The following TGFB2 variants were observed in gnomAD, a reference collection of about 807,000 sequenced individuals.
TGFB2 encodes the protein transforming growth factor beta 2.
Under a neutral mutation model 42.7 loss-of-function variants are expected in TGFB2, and 13 were observed. The observed-to-expected ratio is 0.30, with a 90% CI of 0.20 to 0.48. TGFB2 has a LOEUF of 0.48. Ranked by LOEUF, TGFB2 falls within the 20% of genes least tolerant of loss-of-function variation. The probability of loss-of-function intolerance (pLI) is 0.99; values close to 1 mark genes in which losing one functional copy is unlikely to be tolerated. For synonymous variants in TGFB2, 193 were observed against 193.6 expected, an observed-to-expected ratio of 1.00 and a Z score of 0.03; for missense variants, 390 against 517.5, an observed-to-expected ratio of 0.75 and a Z score of 2.39.
At chr1:218,385,797 G>C (rs1658115025) in intron 1 of TGFB2, among the ~76,000 whole-genome samples, 1 of 152,210 alleles carries the variant, frequency 6.6e-6, no homozygotes, top group African/African-American at 2.4e-5. Flanking sequence ...GAATTAAGCT[G>C]TTAGAACTAG....
chr1:218,431,819 G>C (rs1659816563), intron 2 of TGFB2, among the ~76,000 whole-genome samples: 1 of 152,184 alleles, frequency 6.6e-6, no homozygotes, highest in Non-Finnish European at 1.5e-5. Context: ...CTGTTCCATA[G>C]TAGGTTAATT....
chr1:218,440,647 A>T (rs1454310344), intron 6 of TGFB2, among the ~76,000 whole-genome samples: 1 of 152,214 alleles, frequency 6.6e-6, no homozygotes, highest in Non-Finnish European at 1.5e-5. Flanking sequence ...TTATTCTTCT[A>T]CTTATTCATG....
chr1:218,397,421 G>C (rs7536358), intron 1 of TGFB2, among the ~76,000 whole-genome samples: 2,071 of 151,720 alleles, frequency 0.014, 46 homozygotes, highest in African/African-American at 0.045. Flanking sequence ...AAAATTAGCC[G>C]GGCATGGTGG....
rs899680283 is a variant in TGFB2 at position 218,346,093 on chromosome 1, C to G, written c.-609C>G. On this transcript the variant is annotated 5_prime_UTR_variant, in exon 1 of 7. Coordinates refer to ENST00000366930, the MANE Select transcript of TGFB2 (RefSeq NM_003238.6). This position sits in a 1 kb window ranked among gnomAD's most constrained non-coding sequence, Gnocchi z 4.9. ...ACACACACACACACGCACGCACACACGTGTGCGCTTCTCTGCTCCGGAGCT... is the reference window on the plus strand; with the variant it reads ...ACACACACACACACGCACGCACACAGGTGTGCGCTTCTCTGCTCCGGAGCT... 6.5e-6 allele frequency: 1 copy of G among 154,854 alleles called. No individual in the cohort carries two copies. 9.6% of individuals were successfully genotyped at this position (154,854 alleles called of 1,614,324 possible).
chr1:218,358,805 G>A (rs1657120755), intron 1 of TGFB2, among the ~76,000 whole-genome samples: 1 of 152,100 alleles, frequency 6.6e-6, no homozygotes, highest in Non-Finnish European at 1.5e-5. Context: ...GCCTCCCAAA[G>A]TGCTGGGATT....
intron 1 of TGFB2, among the ~76,000 whole-genome samples, chr1:218,379,191 GGT>G (rs1657867632): frequency 6.7e-6 from 1 of 149,482 alleles, no homozygotes; most frequent in Non-Finnish European, 1.5e-5. Flanking sequence ...GGAGTGCAGT[GGT>G]GCGATCTCGG....
At chr1:218,419,325 T>C (rs1044269627) in intron 2 of TGFB2, among the ~76,000 whole-genome samples, 1 of 152,166 alleles carries the variant, frequency 6.6e-6, no homozygotes, top group African/African-American at 2.4e-5. Context: ...TATGGTTGGT[T>C]CTCTTTATTT....
At chr1:218,418,818 G>T (rs143136585) in intron 2 of TGFB2, among the ~76,000 whole-genome samples, 1,635 of 152,232 alleles carry the variant, frequency 0.011, 10 homozygotes, top group Middle Eastern at 0.034. Context: ...TGCTACACAA[G>T]CTCTCTCTCT....
intron 2 of TGFB2, among the ~76,000 whole-genome samples, chr1:218,413,957 G>A (rs1318616377): frequency 2.0e-5 from 3 of 152,154 alleles, no homozygotes. Flanking sequence ...TGATGTTTAT[G>A]GAGCAAAATA....
At chr1:218,398,557 ATTATTTTATT>A (rs527748330) in intron 1 of TGFB2, among the ~76,000 whole-genome samples, 23 of 151,440 alleles carry the variant, frequency 1.5e-4, no homozygotes, top group Non-Finnish European at 2.8e-4. Context: ...TTATTTTGAA[ATTATTTTATT>A]TTATTTTATT....
rs563628646 is a variant in TGFB2 at position 218,375,644 on chromosome 1, A to T, written c.346+28597A>T. ...AACTAGAAATTCTAGCCCATATTTT[A>T]AATCTCATGTCAGCATACATTGAGA... On this transcript the variant is annotated intron_variant, in intron 1 of 6. Coordinates refer to ENST00000366930, the MANE Select transcript of TGFB2 (RefSeq NM_003238.6). Among the ~76,000 whole-genome samples the T allele has an allele frequency of 2.0e-5, 3 of 152,330 alleles. No homozygotes were observed. The East Asian group carries it at 5.8e-4, about 29-fold the overall frequency.
intron 2 of TGFB2, among the ~76,000 whole-genome samples, chr1:218,414,237 A>G (rs2102604398): frequency 6.6e-6 from 1 of 151,998 alleles, no homozygotes; most frequent in South Asian, 2.1e-4. Context: ...GCACACACAC[A>G]CACACACACA....
At position 218,435,893 on chromosome 1, in the gene TGFB2, C is replaced by T. The variant is rs11466410; in HGVS notation, c.755-77C>T. On this transcript the variant is annotated intron_variant, in intron 4 of 6. Transcript: ENST00000366930. ...CATCACTGCTATTTGTGACAATATA[C>T]AAAGGAAAAAAATATGGCTGACTAT... 3.5e-5 allele frequency: 51 copies of T among 1,457,432 alleles called. No individual in the cohort carries two copies. In the African/African-American group the frequency reaches 6.8e-4, roughly 19 times the overall value. 90.3% of individuals were successfully genotyped at this position (1,457,432 alleles called of 1,614,324 possible). A position where few individuals can be genotyped will look rare whatever the true frequency, so the allele number is the denominator to read the frequency against.
At position 218,399,030 on chromosome 1, in the gene TGFB2, C is replaced by T. The variant is rs193008888; in HGVS notation, c.347-6139C>T. 6.6e-5 allele frequency among the ~76,000 whole-genome samples: 10 copies of T among 152,282 alleles called. No individual in the cohort carries two copies. The East Asian group carries it at 1.9e-3, about 29-fold the overall frequency. On this transcript the variant is annotated intron_variant, in intron 1 of 6. Coordinates refer to ENST00000366930, the MANE Select transcript of TGFB2 (RefSeq NM_003238.6). Reference sequence around the variant, plus strand: ...CCCAAGTAGGTGGGAGTTACAGGCACATGCCACATCACCCAGCTAATTTTT... The same window carrying T: ...CCCAAGTAGGTGGGAGTTACAGGCATATGCCACATCACCCAGCTAATTTTT...
intron 2 of TGFB2, 125 bp downstream of exon 2, chr1:218,405,457 T>A: frequency 6.5e-7 from 1 of 1,528,364 alleles, no homozygotes; most frequent in Non-Finnish European, 8.9e-7. Flanking sequence ...CTTGAACTCC[T>A]GGGTTCAAAC....
At chr1:218,358,840 C>G (rs1657121878) in intron 1 of TGFB2, among the ~76,000 whole-genome samples, 1 of 152,122 alleles carries the variant, frequency 6.6e-6, no homozygotes, top group Non-Finnish European at 1.5e-5. Flanking sequence ...CCGCACCCAG[C>G]AGTGAACTCT....
intron 2 of TGFB2, among the ~76,000 whole-genome samples, chr1:218,411,043 A>T (rs1344563452): frequency 6.6e-6 from 1 of 151,578 alleles, no homozygotes; most frequent in African/African-American, 2.4e-5. Flanking sequence ...ATCCTTTGGG[A>T]CCACCAAAGA....
intron 1 of TGFB2, among the ~76,000 whole-genome samples, chr1:218,404,766 C>T (rs756780766): frequency 6.6e-6 from 1 of 152,174 alleles, no homozygotes; most frequent in African/African-American, 2.4e-5. Context: ...CATGGGCAAA[C>T]TGCTGGCCAT....
At chr1:218,365,460 A>G (rs1460913651) in intron 1 of TGFB2, among the ~76,000 whole-genome samples, 2 of 152,134 alleles carry the variant, frequency 1.3e-5, no homozygotes, top group Non-Finnish European at 2.9e-5. Context: ...GTGAAAAAGC[A>G]TTGGAAACCC....
Sources: allele counts gnomAD v4.1 joint callset (sites outside exome capture counted in the v4.1 genomes callset), GRCh38; gene constraint gnomAD v4.1.1; non-coding constraint Gnocchi (gnomAD v3.1); transcripts MANE v1.5; gene names NCBI Gene and HGNC (gene_info 2026-07-23, HGNC 2026-07-21).